The following PEPD variants were observed in gnomAD, a reference collection of about 807,000 sequenced individuals.
The protein encoded by PEPD is peptidase D, also known as xaa-Pro dipeptidase.
A neutral mutation model predicts 60.7 loss-of-function variants in PEPD; 53 were observed. That is an observed-to-expected ratio of 0.87 (90% CI 0.70 to 1.10). PEPD has a LOEUF of 1.10. Among genes scored for constraint, PEPD ranks in the 50% least tolerant of loss-of-function variants. PEPD has a pLI of 0.00. For missense variants in PEPD, 711 were observed against 711.9 expected, an observed-to-expected ratio of 1.00 and a Z score of 0.01; for synonymous variants, 267 against 284.1, an observed-to-expected ratio of 0.94 and a Z score of 0.60.
At chr19:33,520,708 T>C (rs1971115168) in intron 1 of PEPD, among the ~76,000 whole-genome samples, 1 of 152,142 alleles carries the variant, frequency 6.6e-6, no homozygotes, top group African/African-American at 2.4e-5. Flanking sequence ...AGAGATGCAT[T>C]CAGTCCACTA....
At chr19:33,407,237 G>C (rs1449213771) in intron 11 of PEPD, among the ~76,000 whole-genome samples, 1 of 152,246 alleles carries the variant, frequency 6.6e-6, no homozygotes, top group Non-Finnish European at 1.5e-5. Context: ...CCTCTGCCCT[G>C]TGGGGTGAGC....
At chr19:33,510,996 A>G in intron 3 of PEPD, 32 bp downstream of exon 3, 1 of 1,580,914 alleles carries the variant, frequency 6.3e-7, no homozygotes, top group Non-Finnish European at 8.6e-7. Context: ...CATGGTTGGT[A>G]GCCATGGTGC....
intron 5 of PEPD, among the ~76,000 whole-genome samples, chr19:33,492,894 T>C (rs1389648764): frequency 6.6e-6 from 1 of 152,144 alleles, no homozygotes; most frequent in Non-Finnish European, 1.5e-5. Context: ...TTTTCTTTTT[T>C]TGAGACAGGG....
At chr19:33,400,039 C>A (rs561745301) in intron 12 of PEPD, among the ~76,000 whole-genome samples, 22 of 152,184 alleles carry the variant, frequency 1.4e-4, no homozygotes, top group African/African-American at 5.3e-4. Flanking sequence ...TGAAGCCTTG[C>A]GCTACTGGGC....
At chr19:33,426,289 TC>T (rs1384423644) in intron 9 of PEPD, among the ~76,000 whole-genome samples, 1 of 152,238 alleles carries the variant, frequency 6.6e-6, no homozygotes, top group African/African-American at 2.4e-5. Context: ...TTGGATTCCC[TC>T]TAGGGCATTT....
At chr19:33,494,034 C>G (rs1035926242) in intron 4 of PEPD, among the ~76,000 whole-genome samples, 1 of 152,260 alleles carries the variant, frequency 6.6e-6, no homozygotes, top group Non-Finnish European at 1.5e-5. Flanking sequence ...GCCCCAGCCC[C>G]CTGGGCAGGT....
At chr19:33,461,079 C>T (rs533219319) in intron 9 of PEPD, among the ~76,000 whole-genome samples, 2 of 152,200 alleles carry the variant, frequency 1.3e-5, no homozygotes, top group African/African-American at 4.8e-5. Flanking sequence ...GAAGGAGTTA[C>T]GGTTCGTTTG....
At chr19:33,440,814 C>T (rs530032450) in intron 9 of PEPD, among the ~76,000 whole-genome samples, 8 of 152,310 alleles carry the variant, frequency 5.3e-5, no homozygotes, top group African/African-American at 1.9e-4. Flanking sequence ...TTGTGTCTCC[C>T]CAGCTCCTAG....
At chr19:33,422,659 T>C (rs1297626237) in intron 9 of PEPD, among the ~76,000 whole-genome samples, 1 of 150,166 alleles carries the variant, frequency 6.7e-6, no homozygotes, top group Non-Finnish European at 1.5e-5. Flanking sequence ...GTACCTATCA[T>C]CCATCTACCC....
intron 12 of PEPD, among the ~76,000 whole-genome samples, chr19:33,393,159 G>A (rs116674320): frequency 0.12 from 18,160 of 151,736 alleles, 1,465 homozygotes; most frequent in African/African-American, 0.21. Flanking sequence ...GGGGGCGGCC[G>A]TCCCGGGGTC....
At chr19:33,511,361 T>TA in intron 2 of PEPD, 4 of 563,150 alleles carry the variant, frequency 7.1e-6, no homozygotes, top group Non-Finnish European at 1.3e-5. Context: ...GCAGCTCCTC[T>TA]ACCCTGCTGG....
chr19:33,441,334 C>A (rs1208498109), intron 9 of PEPD, among the ~76,000 whole-genome samples: 2 of 152,244 alleles, frequency 1.3e-5, no homozygotes, highest in Non-Finnish European at 2.9e-5. Flanking sequence ...AACACCAACA[C>A]GTGCCCCTTA....
chr19:33,518,457 T>C (rs1971065901), intron 1 of PEPD, among the ~76,000 whole-genome samples: 2 of 152,262 alleles, frequency 1.3e-5, no homozygotes, highest in Admixed American at 6.5e-5. Flanking sequence ...CTGACTCCAG[T>C]GTAACCTACG....
chr19:33,485,251 T>C (rs1359137633), intron 6 of PEPD, among the ~76,000 whole-genome samples: 1 of 150,514 alleles, frequency 6.6e-6, no homozygotes, highest in African/African-American at 2.4e-5. Flanking sequence ...CCCAGCACTT[T>C]GGGAGGCCGA....
At chr19:33,486,315 A>C (rs1970396529) in intron 6 of PEPD, among the ~76,000 whole-genome samples, 1 of 113,636 alleles carries the variant, frequency 8.8e-6, no homozygotes, top group African/African-American at 3.3e-5. Context: ...CCATGCCCAC[A>C]CCCACCCCTC....
intron 12 of PEPD, among the ~76,000 whole-genome samples, chr19:33,394,591 G>A (rs1028787529): frequency 2.0e-5 from 3 of 152,222 alleles, no homozygotes; most frequent in African/African-American, 4.8e-5. Context: ...CCGCCTGGGC[G>A]GGGGCCCCTG....
intron 11 of PEPD, among the ~76,000 whole-genome samples, chr19:33,402,102 A>AGGG (rs1568452481): frequency 2.6e-5 from 4 of 151,960 alleles, no homozygotes; most frequent in African/African-American, 7.3e-5. Context: ...GGAAAAAGGG[A>AGGG]CTCAGGGCTC....
chr19:33,441,055 A>G (rs1008647945), intron 9 of PEPD, among the ~76,000 whole-genome samples: 9 of 152,154 alleles, frequency 5.9e-5, no homozygotes, highest in Non-Finnish European at 1.3e-4. Context: ...GAATGGTCAA[A>G]TTGGAGTTGT....
rs556919671 is a variant in PEPD at position 33,468,778 on chromosome 19, C to T, written c.549-4716G>A. Among the ~76,000 whole-genome samples the T allele has an allele frequency of 1.8e-4, 27 of 152,306 alleles. 2 individuals carry two copies. The South Asian group carries it at 2.1e-3, about 12-fold the overall frequency. On this transcript the variant is annotated intron_variant, in intron 7 of 14. Transcript: ENST00000244137. Reference sequence around the variant, plus strand: ...ACCCACAAGCCCAGGGAGACTTTCTCGAATGAACGCCCTTTCTCTCGGCGG... The same window carrying T: ...ACCCACAAGCCCAGGGAGACTTTCTTGAATGAACGCCCTTTCTCTCGGCGG...
Sources: gnomAD v4.1 joint callset for allele counts (sites outside exome capture counted in the v4.1 genomes callset) on GRCh38, gnomAD v4.1.1 for gene constraint, MANE v1.5 for transcripts, NCBI Gene and HGNC (gene_info 2026-07-23, HGNC 2026-07-21) for gene names.